Variants in SYTL5 observed in about 807,000 individuals in gnomAD.
SYTL5 encodes the protein synaptotagmin like 5.
A neutral mutation model predicts 55.9 loss-of-function variants in SYTL5; 34 were observed. The observed-to-expected ratio is 0.61, with a 90% CI of 0.46 to 0.81. The LOEUF (loss-of-function observed/expected upper bound fraction) is 0.81. Ranked by LOEUF, SYTL5 falls within the 30% of genes least tolerant of loss-of-function variation. The probability of loss-of-function intolerance (pLI) is 0.00; values close to 1 mark genes in which losing one functional copy is unlikely to be tolerated. For missense variants in SYTL5, 637 were observed against 546.7 expected (o/e 1.17, Z -1.65); for synonymous variants, 221 against 188.7 (o/e 1.17, Z -1.40).
intron 1 of SYTL5, among the ~76,000 whole-genome samples, chrX:38,030,957 G>A (rs773177287): frequency 1.5e-4 from 17 of 112,096 alleles, no homozygotes; most frequent in Non-Finnish European, 2.6e-4. Flanking sequence ...AAAATAAGAT[G>A]AGAGGGAAAC....
intron 5 of SYTL5, among the ~76,000 whole-genome samples, chrX:38,074,722 A>G (rs772208454): frequency 8.9e-6 from 1 of 112,138 alleles, no homozygotes; most frequent in South Asian, 3.7e-4. Context: ...TCAAGCACTC[A>G]TGACAAACCA....
chrX:37,895,121 C>A, the SYTL5 span, among the ~76,000 whole-genome samples: 1 of 111,939 alleles, frequency 8.9e-6, no homozygotes, highest in Non-Finnish European at 1.9e-5. Flanking sequence ...AGAATCCCGA[C>A]AGAGCTGTAA....
At chrX:38,122,048 C>T in intron 14 of SYTL5, 32 bp from the exon 15 acceptor site, 2 of 1,133,788 alleles carry the variant, frequency 1.8e-6, no homozygotes, top group Non-Finnish European at 1.2e-6. Context: ...TTCTCTTTCT[C>T]CACCATTCCC....
At chrX:37,957,846 T>G in the SYTL5 span, among the ~76,000 whole-genome samples, 1 of 112,117 alleles carries the variant, frequency 8.9e-6, no homozygotes, top group Admixed American at 9.4e-5. Context: ...AATCTGTAGA[T>G]TGCTTTAGGT....
intron 11 of SYTL5, among the ~76,000 whole-genome samples, chrX:38,107,091 G>T (rs1052565421): frequency 8.9e-6 from 1 of 112,049 alleles, no homozygotes; most frequent in Admixed American, 9.5e-5. Context: ...TTCTGTTCTG[G>T]GAAATCCTCC....
intron 3 of SYTL5, among the ~76,000 whole-genome samples, chrX:38,057,117 G>A (rs1167020670): frequency 1.8e-5 from 2 of 111,679 alleles, no homozygotes; most frequent in African/African-American, 6.5e-5. Flanking sequence ...ATAGTTTGAG[G>A]TCTTAGATTT....
At chrX:38,058,185 T>G (rs2147325324) in intron 3 of SYTL5, among the ~76,000 whole-genome samples, 1 of 111,625 alleles carries the variant, frequency 9.0e-6, no homozygotes, top group South Asian at 3.7e-4. Context: ...ATGCAGTGGC[T>G]GATTTGAGTA....
chrX:37,911,883 A>C, the SYTL5 span, among the ~76,000 whole-genome samples: 1 of 112,086 alleles, frequency 8.9e-6, no homozygotes, highest in African/African-American at 3.2e-5. Flanking sequence ...AAAGCATTTT[A>C]TGTTATTTTA....
chrX:38,017,607 T>C (rs766797883), intron 1 of SYTL5, among the ~76,000 whole-genome samples: 5 of 109,867 alleles, frequency 4.6e-5, no homozygotes, highest in African/African-American at 1.7e-4. Context: ...AGGCTGCTTA[T>C]TCTCATGGCC....
chrX:37,897,618 T>G, the SYTL5 span, among the ~76,000 whole-genome samples: 15 of 111,658 alleles, frequency 1.3e-4, no homozygotes, highest in East Asian at 3.7e-3. Context: ...TTCTCCCTCC[T>G]GAAACTGTGA....
chrX:37,920,017 G>A, the SYTL5 span, among the ~76,000 whole-genome samples: 1 of 111,621 alleles, frequency 9.0e-6, no homozygotes, highest in African/African-American at 3.3e-5. Flanking sequence ...CTTCTGAAGA[G>A]CATATGGTCT....
intron 1 of SYTL5, among the ~76,000 whole-genome samples, chrX:38,011,463 C>G (rs1191116574): frequency 2.8e-5 from 3 of 107,994 alleles, no homozygotes; most frequent in Non-Finnish European, 5.8e-5. Flanking sequence ...AACCCCGTCT[C>G]TACTAAAAAA....
chrX:37,968,738 C>G, the SYTL5 span, among the ~76,000 whole-genome samples: 1 of 111,848 alleles, frequency 8.9e-6, no homozygotes, highest in East Asian at 2.8e-4. Flanking sequence ...ATCTGGCCCA[C>G]TAGGCTGATC....
chrX:38,118,206 G>A (rs962841575), intron 13 of SYTL5, among the ~76,000 whole-genome samples: 22 of 111,256 alleles, frequency 2.0e-4, no homozygotes, highest in African/African-American at 6.9e-4. Context: ...TTTTTGCCCC[G>A]GGTAAGAAGG....
At chrX:38,053,759 G>A (rs1272383801) in intron 2 of SYTL5, among the ~76,000 whole-genome samples, 1 of 112,168 alleles carries the variant, frequency 8.9e-6, no homozygotes, top group Non-Finnish European at 1.9e-5. Context: ...CCTGTAACCT[G>A]GGGCCATGCT....
At chrX:38,043,661 G>GTGTATATATATATATA (rs1285664433) in intron 2 of SYTL5, among the ~76,000 whole-genome samples, 6 of 50,148 alleles carry the variant, frequency 1.2e-4, no homozygotes, top group East Asian at 1.6e-3. Context: ...ATGTATGTAT[G>GTGTATATATATATATA]TATATATATA....
intron 3 of SYTL5, among the ~76,000 whole-genome samples, 161 bp downstream of exon 3, chrX:38,054,583 G>GGTGT (rs3067493): frequency 1.3e-4 from 13 of 98,600 alleles, no homozygotes; most frequent in East Asian, 3.2e-4. Context: ...AGGGCTCTGG[G>GGTGT]GTGTGTGTGT....
chrX:37,945,762 T>C, the SYTL5 span: 2 of 113,850 alleles, frequency 1.8e-5, no homozygotes, highest in African/African-American at 3.2e-5. Context: ...TATGATTTAC[T>C]CATGAGTAAA....
chrX:37,901,538 C>G, the SYTL5 span, among the ~76,000 whole-genome samples: 9 of 111,657 alleles, frequency 8.1e-5, no homozygotes, highest in Non-Finnish European at 1.7e-4. Context: ...CCTGTCTCTC[C>G]TCTACACTCC....
Sources: allele counts gnomAD v4.1 joint callset (sites outside exome capture counted in the v4.1 genomes callset), GRCh38; gene constraint gnomAD v4.1.1; transcripts MANE v1.5; gene names NCBI Gene and HGNC (gene_info 2026-07-23, HGNC 2026-07-21).